Variants in DIAPH3 observed in about 807,000 individuals in gnomAD.
DIAPH3 encodes the protein protein diaphanous homolog 3.
Under a neutral mutation model 144.3 loss-of-function variants are expected in DIAPH3, and 117 were observed. That is an observed-to-expected ratio of 0.81 (90% CI 0.70 to 0.95). DIAPH3 has a LOEUF of 0.95. DIAPH3 is among the 40% of genes least tolerant of loss of function. The pLI is 0.00. For missense variants in DIAPH3, 1,421 were observed against 1,412.7 expected (o/e 1.01, Z -0.09); for synonymous variants, 519 against 488.9 (o/e 1.06, Z -0.81).
chr13:59,685,443 T>TAGCC (rs2033164503), intron 27 of DIAPH3, among the ~76,000 whole-genome samples: 2 of 152,224 alleles, frequency 1.3e-5, no homozygotes, highest in South Asian at 4.1e-4. Context: ...CTATCAAATA[T>TAGCC]AGGTCTCAAA....
intron 4 of DIAPH3, among the ~76,000 whole-genome samples, chr13:60,046,065 T>C (rs1335679058): frequency 1.3e-5 from 2 of 152,198 alleles, no homozygotes; most frequent in Non-Finnish European, 2.9e-5. Context: ...AATAAGGATT[T>C]AATTATCTTC....
chr13:60,127,337 A>G (rs1459711495), intron 2 of DIAPH3, among the ~76,000 whole-genome samples: 1 of 152,266 alleles, frequency 6.6e-6, no homozygotes, highest in African/African-American at 2.4e-5. Context: ...AGGAAAAAAT[A>G]GATTACTTGA....
intron 17 of DIAPH3, among the ~76,000 whole-genome samples, chr13:59,952,606 G>A (rs899912267): frequency 6.6e-6 from 1 of 152,012 alleles, no homozygotes; most frequent in Non-Finnish European, 1.5e-5. Context: ...TAGCATCTAG[G>A]TCCTGAACCT....
intron 18 of DIAPH3, among the ~76,000 whole-genome samples, chr13:59,922,273 C>T (rs537904596): frequency 3.0e-4 from 45 of 152,036 alleles, no homozygotes; most frequent in African/African-American, 8.7e-4. Context: ...CAGAAAACAA[C>T]CTTAAATATA....
At chr13:60,109,468 T>C (rs1042684785) in intron 3 of DIAPH3, among the ~76,000 whole-genome samples, 1 of 126,882 alleles carries the variant, frequency 7.9e-6, no homozygotes, top group Admixed American at 9.2e-5. Flanking sequence ...GTCCAGAGAA[T>C]AGGGAAGAAT....
In DIAPH3 at chr13:60,141,443, T is replaced by C. The variant is rs138320004; in HGVS notation, c.181-8454A>G. 3.3e-3 allele frequency among the ~76,000 whole-genome samples: 510 copies of C among 152,276 alleles called. 2 individuals carry two copies. Among genetic ancestry groups the C allele is most frequent in the African/African-American group, 0.012 (483 of 41,564 alleles). On this transcript the variant is annotated intron_variant, in intron 1 of 27. Coordinates refer to ENST00000400324, the MANE Select transcript of DIAPH3 (RefSeq NM_001042517.2). Reference sequence around the variant, plus strand: ...AACCAATAACCAAAATGCTTCATAATAAGGTATTCAATGGTGATTGGAAGA... The same window carrying C: ...AACCAATAACCAAAATGCTTCATAACAAGGTATTCAATGGTGATTGGAAGA...
chr13:59,887,493 G>T (rs750562029), intron 20 of DIAPH3, among the ~76,000 whole-genome samples: 2 of 151,898 alleles, frequency 1.3e-5, no homozygotes, highest in Admixed American at 6.6e-5. Context: ...TTTAAATTAG[G>T]TTATGCAATT....
chr13:59,763,210 T>C (rs2037693664), intron 27 of DIAPH3, among the ~76,000 whole-genome samples: 1 of 152,044 alleles, frequency 6.6e-6, no homozygotes, highest in South Asian at 2.1e-4. Flanking sequence ...ACATATATCT[T>C]TATATATGTG....
intron 22 of DIAPH3, among the ~76,000 whole-genome samples, chr13:59,860,466 CG>C (rs1435065609): frequency 6.6e-6 from 1 of 152,080 alleles, no homozygotes; most frequent in African/African-American, 2.4e-5. Flanking sequence ...AGGCCGGGCG[CG>C]GTGGCTCATG....
chr13:59,861,572 A>T, intron 21 of DIAPH3, 36 bp from the exon 22 acceptor site: 1 of 1,588,918 alleles, frequency 6.3e-7, no homozygotes, highest in Non-Finnish European at 8.6e-7. Context: ...ACACAGAGTC[A>T]TAAGTATGTT....
Position 59,675,784 on chromosome 13 carries a change from C to T in DIAPH3, c.3320-8938G>A, listed in dbSNP as rs183943172. ...TGCCTCTGGCAAATTCAGTCCAAAT[C>T]GTTGGCCCTCATGGTTCTGGGGGAA... On this transcript the variant is annotated intron_variant, in intron 27 of 27. Transcript: ENST00000400324. Among the ~76,000 whole-genome samples the T allele has an allele frequency of 3.9e-5, 6 of 152,326 alleles. No individual in the cohort carries two copies. The East Asian group carries it at 9.6e-4, about 24-fold the overall frequency.
intron 5 of DIAPH3, among the ~76,000 whole-genome samples, chr13:60,020,564 T>C (rs2053948538): frequency 6.6e-6 from 1 of 152,088 alleles, no homozygotes; most frequent in African/African-American, 2.4e-5. Context: ...CGGGTCTCAC[T>C]ACGTTGCCCA....
chr13:59,898,134 C>CAGAAA (rs2046226952), intron 20 of DIAPH3, among the ~76,000 whole-genome samples: 1 of 72,196 alleles, frequency 1.4e-5, no homozygotes. Context: ...GACTCTGCCT[C>CAGAAA]AAAAAAAAAA....
intron 25 of DIAPH3, among the ~76,000 whole-genome samples, chr13:59,802,751 G>T (rs1444426009): frequency 6.5e-5 from 8 of 122,594 alleles, no homozygotes; most frequent in African/African-American, 2.4e-4. Context: ...GCGCAATCTC[G>T]GCTCACTGCA....
At chr13:60,138,784 A>AAG (rs1566815401) in intron 1 of DIAPH3, among the ~76,000 whole-genome samples, 3 of 44,276 alleles carry the variant, frequency 6.8e-5, no homozygotes, top group Non-Finnish European at 1.7e-4. Flanking sequence ...AAGGAGAAGA[A>AAG]GGGGAAGAGG....
intron 9 of DIAPH3, among the ~76,000 whole-genome samples, chr13:60,007,733 G>C (rs1042725510): frequency 6.6e-6 from 1 of 152,058 alleles, no homozygotes; most frequent in Admixed American, 6.5e-5. Context: ...AAAAAAGAAA[G>C]AGAAATTAAA....
chr13:59,767,255 C>T (rs2037904500), intron 27 of DIAPH3, among the ~76,000 whole-genome samples: 1 of 152,158 alleles, frequency 6.6e-6, no homozygotes, highest in African/African-American at 2.4e-5. Flanking sequence ...ACTGTAGATT[C>T]ACCAAGAATT....
chr13:60,089,604 C>T (rs1358790408), intron 4 of DIAPH3, among the ~76,000 whole-genome samples: 1 of 152,196 alleles, frequency 6.6e-6, no homozygotes, highest in Non-Finnish European at 1.5e-5. Context: ...TGGCCTATCA[C>T]ATCACATCCT....
intron 24 of DIAPH3, among the ~76,000 whole-genome samples, chr13:59,811,210 T>TA (rs1377060712): frequency 4.1e-4 from 60 of 147,896 alleles, no homozygotes; most frequent in African/African-American, 5.9e-4. Flanking sequence ...AAACTGAAAA[T>TA]AAAAAAAAAA....
Sources: allele counts gnomAD v4.1 joint callset (sites outside exome capture counted in the v4.1 genomes callset), GRCh38; gene constraint gnomAD v4.1.1; transcripts MANE v1.5; gene names NCBI Gene and HGNC (gene_info 2026-07-23, HGNC 2026-07-21).